Variants in SDCCAG8 observed in about 807,000 individuals in gnomAD.
The protein encoded by SDCCAG8 is serologically defined colon cancer antigen 8.
SDCCAG8 carries 74 observed loss-of-function variants against 101.8 expected under a neutral mutation model. The ratio of observed to expected loss-of-function variants is 0.73; its 90% CI spans 0.60 to 0.88. SDCCAG8 has a LOEUF of 0.88. SDCCAG8 is among the 40% of genes least tolerant of loss of function. The pLI is 0.00. For missense variants in SDCCAG8, 787 were observed against 822.6 expected, an observed-to-expected ratio of 0.96 and a Z score of 0.53; for synonymous variants, 281 against 292.9, an observed-to-expected ratio of 0.96 and a Z score of 0.41.
intron 6 of SDCCAG8, among the ~76,000 whole-genome samples, chr1:243,296,143 G>A (rs1364866388): frequency 6.6e-6 from 1 of 151,988 alleles, no homozygotes; most frequent in African/African-American, 2.4e-5. Flanking sequence ...CTACAGTCAT[G>A]TGCTACCACA....
chr1:243,381,770 C>T (rs543920762), intron 13 of SDCCAG8, among the ~76,000 whole-genome samples: 2 of 152,098 alleles, frequency 1.3e-5, no homozygotes, highest in Admixed American at 6.5e-5. Context: ...TGCGCATACT[C>T]TAGTAAAGAA....
At chr1:243,439,622 T>TCTCA (rs541157518) in intron 16 of SDCCAG8, among the ~76,000 whole-genome samples, 4 of 120,146 alleles carry the variant, frequency 3.3e-5, no homozygotes, top group African/African-American at 1.3e-4. Flanking sequence ...TGAGACTCCA[T>TCTCA]CACACACACA....
intron 13 of SDCCAG8, among the ~76,000 whole-genome samples, chr1:243,401,792 G>A (rs1379131537): frequency 6.6e-6 from 1 of 151,058 alleles, no homozygotes; most frequent in Non-Finnish European, 1.5e-5. Context: ...CTTCAGCTTC[G>A]GTTGTTCTTA....
chr1:243,284,325 T>A (rs1346981532), intron 4 of SDCCAG8, among the ~76,000 whole-genome samples: 1 of 152,220 alleles, frequency 6.6e-6, no homozygotes, highest in Non-Finnish European at 1.5e-5. Context: ...CCTGGTCTTG[T>A]CTCTTCTGTT....
chr1:243,488,456 G>GTCGCCGTATCATTA, intron 16 of SDCCAG8: 4 of 169,058 alleles, frequency 2.4e-5, no homozygotes, highest in South Asian at 1.5e-4. Context: ...GCCGACTGTG[G>GTCGCCGTATCATTA]ACAGATGAGG....
chr1:243,328,540 G>T (rs897278201), intron 9 of SDCCAG8, among the ~76,000 whole-genome samples: 2 of 151,962 alleles, frequency 1.3e-5, no homozygotes, highest in Non-Finnish European at 2.9e-5. Context: ...GCCTTCCAAA[G>T]TGCTGGGATT....
At position 243,341,039 on chromosome 1, in the gene SDCCAG8, A is replaced by G. The variant is rs752002252; in HGVS notation, c.1222A>G (p.Met408Val). Residue 408 changes from methionine (M) to valine (V), a missense_variant and splice_region_variant, in exon 11 of 18, where the codon ATG (methionine) becomes GTG (valine). By Grantham distance (21) the Met-to-Val change is conservative. Transcript: ENST00000366541. Reference sequence around the variant, plus strand: ...TTAGGACTTTTATTTTCCCTTACAGATGTTGATCTTGTCTCAGAATATTGC... The same window carrying G: ...TTAGGACTTTTATTTTCCCTTACAGGTGTTGATCTTGTCTCAGAATATTGC... Reference protein sequence around the residue: ...TKEREYMGSKMLILSQNIAQL... With the variant: ...TKEREYMGSKVLILSQNIAQL... 3 of 1,613,268 alleles carry G rather than the reference A, an allele frequency of 1.9e-6. No homozygotes were observed. The highest frequency in any genetic ancestry group is 2.7e-5 in the African/African-American group (2 of 74,902).
intron 13 of SDCCAG8, among the ~76,000 whole-genome samples, chr1:243,389,023 G>A (rs1476196064): frequency 2.0e-5 from 3 of 150,428 alleles, no homozygotes; most frequent in Non-Finnish European, 3.0e-5. Context: ...GGGAGGCTAC[G>A]TGGTGGTGCG....
At chr1:243,430,934 C>T (rs1046263654) in intron 16 of SDCCAG8, among the ~76,000 whole-genome samples, 2 of 152,064 alleles carry the variant, frequency 1.3e-5, no homozygotes, top group African/African-American at 4.8e-5. Context: ...CGTGGTGGCT[C>T]ACGCCTGTAA....
chr1:243,332,145 TAGGAATTTGGAGA>T (rs2074650753), intron 10 of SDCCAG8, among the ~76,000 whole-genome samples: 1 of 152,132 alleles, frequency 6.6e-6, no homozygotes, highest in African/African-American at 2.4e-5. Context: ...TCGCACTTTC[TAGGAATTTGGAGA>T]AGGCCCTGAT....
At chr1:243,307,517 T>A (rs1031988272) in intron 7 of SDCCAG8, 61 of 984,368 alleles carry the variant, frequency 6.2e-5, no homozygotes, top group East Asian at 1.1e-4. Context: ...CATGTTTTTT[T>A]ATGTGAACTT....
At chr1:243,465,664 G>A (rs1329639027) in intron 16 of SDCCAG8, among the ~76,000 whole-genome samples, 1 of 152,108 alleles carries the variant, frequency 6.6e-6, no homozygotes, top group Non-Finnish European at 1.5e-5. Context: ...ACCCATGATA[G>A]GATCGTTTTT....
chr1:243,341,245 C>T, intron 11 of SDCCAG8, 72 bp downstream of exon 11: 17 of 1,543,530 alleles, frequency 1.1e-5, no homozygotes, highest in Non-Finnish European at 1.4e-5. Context: ...TCCTAATGTA[C>T]AAAACTCTTA....
chr1:243,332,525 A>T (rs1041794567), intron 10 of SDCCAG8, among the ~76,000 whole-genome samples: 2 of 150,978 alleles, frequency 1.3e-5, no homozygotes, highest in African/African-American at 4.9e-5. Context: ...TGATTTTCGC[A>T]GTCCAGGTCT....
chr1:243,311,494 T>C (rs2072721829), intron 8 of SDCCAG8, among the ~76,000 whole-genome samples: 1 of 152,186 alleles, frequency 6.6e-6, no homozygotes, highest in Non-Finnish European at 1.5e-5. Flanking sequence ...GGGTGTCAAA[T>C]AGGCCTTTAA....
rs909599657 is a variant in SDCCAG8, at chr1:243,262,290, G to A, written c.67+6050G>A. On this transcript the variant is annotated intron_variant, in intron 1 of 17. Coordinates refer to ENST00000366541, the MANE Select transcript of SDCCAG8 (RefSeq NM_006642.5). ...CCGGCTAATTTTTTTATTTTTAGTA[G>A]AGGCAGGGTTTCACCATGTTGCCCA... is the stretch of plus-strand genomic sequence containing the variant. Among the ~76,000 whole-genome samples, 6 of 147,230 alleles carry A rather than the reference G, an allele frequency of 4.1e-5. 1 individual carries two copies. Among genetic ancestry groups the A allele is most frequent in the Non-Finnish European group, 9.1e-5 (6 of 65,822 alleles).
At chr1:243,268,919 G>C (rs2067852460) in intron 1 of SDCCAG8, among the ~76,000 whole-genome samples, 1 of 152,140 alleles carries the variant, frequency 6.6e-6, no homozygotes, top group Non-Finnish European at 1.5e-5. Context: ...GCGGGGTGCA[G>C]CGCGGGGAGG....
In SDCCAG8 at chr1:243,316,765, G is replaced by A; in HGVS notation, c.940G>A (p.Asp314Asn). 6.2e-7 allele frequency: 1 copy of A among 1,614,134 alleles called. No homozygotes were observed. Among genetic ancestry groups the A allele is most frequent in the Non-Finnish European group, 8.5e-7 (1 of 1,180,004 alleles). Residue 314 changes from aspartate (D) to asparagine (N), a missense_variant, in exon 9 of 18, where the codon GAC (aspartate) becomes AAC (asparagine). Asp to Asn is a conservative substitution (Grantham distance 23). Coordinates refer to ENST00000366541, the MANE Select transcript of SDCCAG8 (RefSeq NM_006642.5). ...TTTTTGTGCTGACAGAGAAAGAGAT[G>A]ACTTGATGTCTGCACTAGTTTCCGT... The part of the protein sequence containing the change: ...TIERLVKERD[D>N]LMSALVSVRS...
rs148029965 is a variant in SDCCAG8 at position 243,464,237 on chromosome 1, C to T, written c.1986-24777C>T. On this transcript the variant is annotated intron_variant, in intron 16 of 17. Coordinates refer to ENST00000366541, the MANE Select transcript of SDCCAG8 (RefSeq NM_006642.5). ...GTTTTCCAGTTACACGAATTGTTTT[C>T]GGGGAGCTTACACACCTGTTCCCAT... is the stretch of plus-strand genomic sequence containing the variant. Among the ~76,000 whole-genome samples, 44 of 152,240 alleles carry T rather than the reference C, an allele frequency of 2.9e-4. No homozygotes were observed. In the East Asian group the frequency reaches 7.7e-3, roughly 27 times the overall value.
Sources: gnomAD v4.1 joint callset for allele counts (sites outside exome capture counted in the v4.1 genomes callset) on GRCh38, gnomAD v4.1.1 for gene constraint, MANE v1.5 for transcripts, NCBI Gene and HGNC (gene_info 2026-07-23, HGNC 2026-07-21) for gene names.